ASRGL1: variants seen among roughly 807,000 people sequenced by gnomAD.
ASRGL1 encodes the protein asparaginase and isoaspartyl peptidase 1.
Under a neutral mutation model 22.4 loss-of-function variants are expected in ASRGL1, and 16 were observed. That is an observed-to-expected ratio of 0.71 (90% CI 0.48 to 1.08). The LOEUF is 1.08. Ranked by LOEUF, ASRGL1 falls within the 50% of genes least tolerant of loss-of-function variation. ASRGL1 has a pLI of 0.00. For missense variants in ASRGL1, 412 were observed against 410.1 expected, an observed-to-expected ratio of 1.00 and a Z score of -0.04; for synonymous variants, 165 against 159.3, an observed-to-expected ratio of 1.04 and a Z score of -0.27.
rs112371872 is a variant in ASRGL1, at chr11:62,370,181, G to A, written c.491+13037G>A. On this transcript the variant is annotated intron_variant, in intron 4 of 6. Coordinates refer to ENST00000415229, the MANE Select transcript of ASRGL1 (RefSeq NM_001083926.2). ...ATGGATGGTGAGGCCTCCCACAGTC[G>A]GTCCATGGACACAGGGATCCACACG... Among the ~76,000 whole-genome samples the A allele has an allele frequency of 9.8e-3, 1,491 of 152,096 alleles. 31 individuals are homozygous for A. The highest frequency in any genetic ancestry group is 0.031 in the African/African-American group (1,293 of 41,466).
chr11:62,392,267 A>G lies in ASRGL1; in HGVS notation c.910A>G (p.Ile304Val), dbSNP rs747161372. 4 of 1,613,656 alleles carry G rather than the reference A, an allele frequency of 2.5e-6. No homozygotes were observed. The highest frequency in any genetic ancestry group is 2.2e-5 in the South Asian group (2 of 91,056). ...CGGAATTGATCCTGACGATACTACTATCACCGACCTTCCCTAAGCCGCTGG... is the reference window on the plus strand; with the variant it reads ...CGGAATTGATCCTGACGATACTACTGTCACCGACCTTCCCTAAGCCGCTGG... ...HFGIDPDDTT[I>V]TDLP The change falls in exon 7 of 7, where the codon ATC becomes GTC. Residue 304 changes from isoleucine (I) to valine (V), a missense_variant. By Grantham distance (29) the Ile-to-Val change is conservative. Transcript: ENST00000415229.
At chr11:62,365,009 C>G (rs1304248361) in intron 4 of ASRGL1, among the ~76,000 whole-genome samples, 1 of 149,332 alleles carries the variant, frequency 6.7e-6, no homozygotes, top group Non-Finnish European at 1.5e-5. Flanking sequence ...GCAGAGGTTG[C>G]AGTGAGCCGA....
rs1945762599 is a variant in ASRGL1, at chr11:62,337,912, C to T, written c.-66C>T. 1.5e-5 allele frequency: 22 copies of T among 1,516,694 alleles called. No individual in the cohort carries two copies. Among genetic ancestry groups the T allele is most frequent in the Non-Finnish European group, 2.0e-5 (22 of 1,126,390 alleles). The allele number at this position is 1,516,694 out of a possible 1,614,324, so 94.0% of individuals were successfully genotyped here. On this transcript the variant is annotated 5_prime_UTR_variant, in exon 2 of 7. Transcript: ENST00000415229. Reference sequence around the variant, plus strand: ...CAGGGTCTCCCGAGGACCTTGTACCCGCGCGGCTTCCTTGGGCTGGCTTTG... The same window carrying T: ...CAGGGTCTCCCGAGGACCTTGTACCTGCGCGGCTTCCTTGGGCTGGCTTTG...
intron 4 of ASRGL1, among the ~76,000 whole-genome samples, chr11:62,367,591 CTGAGA>C (rs1946645345): frequency 6.6e-6 from 1 of 151,724 alleles, no homozygotes; most frequent in African/African-American, 2.4e-5. Context: ...TTGCGGTGAG[CTGAGA>C]TCACACCATT....
downstream of ASRGL1, among the ~76,000 whole-genome samples, chr11:62,395,821 G>A (rs1393978225): frequency 3.0e-5 from 4 of 132,914 alleles, no homozygotes; most frequent in Admixed American, 1.8e-4. Context: ...ACCCAGGCTG[G>A]AGTGCAGTGG....
chr11:62,375,247 A>G (rs1180434269), intron 4 of ASRGL1, among the ~76,000 whole-genome samples: 1 of 151,002 alleles, frequency 6.6e-6, no homozygotes, highest in Non-Finnish European at 1.5e-5. Flanking sequence ...GGTGCCGTGC[A>G]CTCCTAGAGA....
At position 62,389,247 on chromosome 11, in the gene ASRGL1, T is replaced by TCTAG. The variant is rs1288120875; in HGVS notation, c.607_610dup (p.Gly204AlafsTer10). On this transcript the variant is annotated frameshift_variant, in exon 5 of 7. Coordinates refer to ENST00000415229, the MANE Select transcript of ASRGL1 (RefSeq NM_001083926.2). LOFTEE classifies it high-confidence loss of function. ...TCGGCCGCGTTGGGGACTCACCGTG[T>TCTAG]CTAGGTAGGACCAAGGGATGCCTCC... 1 of 1,613,496 alleles carries TCTAG rather than the reference T, an allele frequency of 6.2e-7. No homozygotes were observed. The highest frequency in any genetic ancestry group is 8.5e-7 in the Non-Finnish European group (1 of 1,179,424).
At chr11:62,387,236 G>C (rs894293903) in intron 4 of ASRGL1, among the ~76,000 whole-genome samples, 14 of 152,020 alleles carry the variant, frequency 9.2e-5, no homozygotes, top group African/African-American at 3.4e-4. Flanking sequence ...AACTCAGGTT[G>C]TGTCACTTCC....
chr11:62,356,245 G>A (rs2463837), intron 2 of ASRGL1, 80 bp from the exon 3 acceptor site: 292,741 of 1,526,328 alleles, frequency 0.19, 29,644 homozygotes, highest in East Asian at 0.35. Flanking sequence ...CTGGCCGGGC[G>A]GGGGGCTGAC....
chr11:62,354,206 G>A (rs929421298), intron 2 of ASRGL1, among the ~76,000 whole-genome samples: 2 of 152,226 alleles, frequency 1.3e-5, no homozygotes, highest in African/African-American at 4.8e-5. Context: ...AGCTAGATTT[G>A]TAGGCATTAT....
chr11:62,342,602 C>T (rs1264251975), intron 2 of ASRGL1, among the ~76,000 whole-genome samples: 3 of 139,348 alleles, frequency 2.2e-5, no homozygotes, highest in Non-Finnish European at 4.6e-5. Context: ...GCTAAATATA[C>T]AAAACTTAGC....
chr11:62,380,833 C>G (rs1036448768), intron 4 of ASRGL1, among the ~76,000 whole-genome samples: 3 of 152,184 alleles, frequency 2.0e-5, no homozygotes, highest in African/African-American at 7.2e-5. Context: ...GGCCCCTTCT[C>G]CAGGTGGCAT....
At chr11:62,396,120 CT>C (rs535515739), downstream of ASRGL1, among the ~76,000 whole-genome samples, 97 of 151,868 alleles carry the variant, frequency 6.4e-4, no homozygotes, top group African/African-American at 2.3e-3. Context: ...CCTTGTCTGG[CT>C]AAAAAAAATG....
intron 4 of ASRGL1, among the ~76,000 whole-genome samples, chr11:62,367,895 T>A (rs1946655442): frequency 6.6e-6 from 1 of 152,162 alleles, no homozygotes; most frequent in South Asian, 2.1e-4. Context: ...TGAGCCGAGA[T>A]CATGCCACTG....
At chr11:62,341,834 C>T (rs1366279596) in intron 2 of ASRGL1, among the ~76,000 whole-genome samples, 2 of 152,218 alleles carry the variant, frequency 1.3e-5, no homozygotes, top group Non-Finnish European at 2.9e-5. Flanking sequence ...TGAGTCCACG[C>T]CTCCATTCAC....
chr11:62,337,893 C>A lies in ASRGL1; in HGVS notation c.-85C>A. On this transcript the variant is annotated 5_prime_UTR_variant, in exon 2 of 7. Coordinates refer to ENST00000415229, the MANE Select transcript of ASRGL1 (RefSeq NM_001083926.2). ...AGACTGGGCATTGTCCCCACAGGGT[C>A]TCCCGAGGACCTTGTACCCGCGCGG... The A allele has an allele frequency of 7.0e-7, 1 of 1,420,594 alleles. No individual in the cohort carries two copies. Among genetic ancestry groups the A allele is most frequent in the Non-Finnish European group, 9.5e-7 (1 of 1,052,318 alleles). The allele number at this position is 1,420,594 out of a possible 1,614,324, so 88.0% of individuals were successfully genotyped here.
intron 4 of ASRGL1, among the ~76,000 whole-genome samples, chr11:62,387,428 G>T (rs1364980221): frequency 6.6e-6 from 1 of 152,196 alleles, no homozygotes; most frequent in Non-Finnish European, 1.5e-5. Flanking sequence ...TGGGTAACTA[G>T]TGTGTATGGT....
chr11:62,388,823 A>T (rs2134700245), intron 4 of ASRGL1, among the ~76,000 whole-genome samples: 1 of 152,048 alleles, frequency 6.6e-6, no homozygotes. Context: ...TTTGAGAAGC[A>T]CTCTTACTTT....
rs1374588979 is a variant in ASRGL1 at position 62,392,590 on chromosome 11, AG to A, written c.*309del. The A allele has an allele frequency of 2.6e-4, 102 of 394,288 alleles. No homozygotes were observed. The highest frequency in any genetic ancestry group is 2.0e-3 in the African/African-American group (98 of 48,280). 24.4% of individuals were successfully genotyped at this position (394,288 alleles called of 1,614,324 possible). A position where few individuals can be genotyped will look rare whatever the true frequency, so the allele number is the denominator to read the frequency against. On this transcript the variant is annotated 3_prime_UTR_variant, in exon 7 of 7. Transcript: ENST00000415229. ...TATCAAAAAAAAAAAAAAAAAGAAA[AG>A]GGAAAAAAGAAAGAAAGCAGCAGCA... is the stretch of plus-strand genomic sequence containing the variant.
Sources: gnomAD v4.1 joint callset for allele counts (sites outside exome capture counted in the v4.1 genomes callset) on GRCh38, gnomAD v4.1.1 for gene constraint, MANE v1.5 for transcripts, NCBI Gene and HGNC (gene_info 2026-07-23, HGNC 2026-07-21) for gene names.